Variants in FNDC3A observed in about 807,000 individuals in gnomAD.
FNDC3A encodes fibronectin type III domain containing 3A, also known as fibronectin type-III domain-containing protein 3A.
FNDC3A carries 32 observed loss-of-function variants against 148.9 expected under a neutral mutation model. That is an observed-to-expected ratio of 0.21 (90% confidence interval 0.16 to 0.29). The LOEUF is 0.29. Ranked by LOEUF, FNDC3A falls within the 10% of genes least tolerant of loss-of-function variation. The pLI is 1.00. For missense variants in FNDC3A, 1,191 were observed against 1,452.8 expected (o/e 0.82, Z 2.93); for synonymous variants, 472 against 473.6 (o/e 1.00, Z 0.04).
chr13:49,195,995 G>A (rs1886127748), intron 19 of FNDC3A, among the ~76,000 whole-genome samples: 1 of 148,730 alleles, frequency 6.7e-6, no homozygotes, highest in Non-Finnish European at 1.5e-5. Context: ...GATGGCTTGA[G>A]CCCAGGAAGT....
chr13:49,179,210 T>C (rs1203252299), intron 14 of FNDC3A, among the ~76,000 whole-genome samples: 1 of 149,222 alleles, frequency 6.7e-6, no homozygotes, highest in East Asian at 2.0e-4. Context: ...CCAAACATCT[T>C]TTAAAATATG....
chr13:49,192,318 A>G (rs888097234), intron 19 of FNDC3A, among the ~76,000 whole-genome samples: 1 of 152,128 alleles, frequency 6.6e-6, no homozygotes, highest in Non-Finnish European at 1.5e-5. Flanking sequence ...TTTTTGAAAC[A>G]GGGTCTCACC....
At chr13:49,048,162 T>C (rs1724423839) in intron 2 of FNDC3A, among the ~76,000 whole-genome samples, 1 of 152,196 alleles carries the variant, frequency 6.6e-6, no homozygotes, top group Non-Finnish European at 1.5e-5. Flanking sequence ...TGCCTGTTTT[T>C]ATACCAGTAC....
chr13:49,144,395 C>T (rs549794664), intron 7 of FNDC3A, among the ~76,000 whole-genome samples: 34 of 152,056 alleles, frequency 2.2e-4, no homozygotes, highest in Middle Eastern at 3.4e-3. Flanking sequence ...ATTCAGACTT[C>T]GAGAACTTTG....
chr13:49,118,670 GA>G (rs780185728), intron 4 of FNDC3A, among the ~76,000 whole-genome samples: 12 of 152,162 alleles, frequency 7.9e-5, no homozygotes, highest in Non-Finnish European at 1.6e-4. Context: ...CTTGATGGGG[GA>G]GGGGCGTCTG....
At chr13:49,114,415 GC>G (rs1219138994) in intron 3 of FNDC3A, among the ~76,000 whole-genome samples, 9 of 97,070 alleles carry the variant, frequency 9.3e-5, no homozygotes, top group African/African-American at 3.1e-4. Flanking sequence ...CAACCTCCCC[GC>G]CCCCCACCAC....
At chr13:49,185,792 A>G (rs1189303753) in intron 14 of FNDC3A, among the ~76,000 whole-genome samples, 172 bp from the exon 15 acceptor site, 1 of 152,240 alleles carries the variant, frequency 6.6e-6, no homozygotes, top group Non-Finnish European at 1.5e-5. Context: ...CTCTTCATAT[A>G]TGCCAAGTAT....
At chr13:49,079,436 G>GA (rs1203407439) in intron 3 of FNDC3A, among the ~76,000 whole-genome samples, 1 of 152,166 alleles carries the variant, frequency 6.6e-6, no homozygotes, top group African/African-American at 2.4e-5. Flanking sequence ...GGTATGTAAA[G>GA]AAAAAATTAT....
intron 2 of FNDC3A, among the ~76,000 whole-genome samples, chr13:49,030,893 TC>T (rs1450212350): frequency 1.1e-4 from 16 of 152,284 alleles, no homozygotes; most frequent in African/African-American, 3.8e-4. Flanking sequence ...TGATCATAGA[TC>T]AGAAGACTTA....
intron 11 of FNDC3A, among the ~76,000 whole-genome samples, chr13:49,173,101 G>T (rs886650473): frequency 6.8e-6 from 1 of 146,690 alleles, no homozygotes; most frequent in African/African-American, 2.8e-5. Flanking sequence ...GTCCTGGGCC[G>T]CATGTGGCCC....
chr13:49,165,710 G>T (rs950848257), intron 8 of FNDC3A, among the ~76,000 whole-genome samples: 1 of 152,164 alleles, frequency 6.6e-6, no homozygotes. Context: ...TGGCCAGGTG[G>T]GTTCTTTGGC....
chr13:49,158,700 A>G (rs562513141), intron 8 of FNDC3A, among the ~76,000 whole-genome samples: 13 of 152,312 alleles, frequency 8.5e-5, no homozygotes, highest in East Asian at 5.8e-4. Flanking sequence ...GCCTATGCCT[A>G]TGTCCTGAAT....
At chr13:48,985,811 G>A (rs1390375323) in intron 1 of FNDC3A, among the ~76,000 whole-genome samples, 1 of 152,172 alleles carries the variant, frequency 6.6e-6, no homozygotes, top group Non-Finnish European at 1.5e-5. Flanking sequence ...TTAGGGATCA[G>A]GAAAGAGTTA....
intron 3 of FNDC3A, among the ~76,000 whole-genome samples, chr13:49,102,622 T>C (rs1212741950): frequency 2.0e-5 from 3 of 152,210 alleles, no homozygotes. Flanking sequence ...AAGGACCTTT[T>C]GGTTATAGTG....
In FNDC3A at chr13:49,203,284, G is replaced by C. The variant is rs1313951724; in HGVS notation, c.3282G>C (p.Gln1094His). The change falls in exon 25 of 26, where the codon CAG (glutamine) becomes CAC (histidine). Residue 1094 changes from glutamine (Q) to histidine (H), a missense_variant and splice_region_variant. Gln to His is a conservative substitution (Grantham distance 24). Transcript: ENST00000492622. ...VMLGKDSEFK[Q>H]IYKGPDSSFR... ...TGGGAAAAGATTCAGAATTCAAACA[G>C]GTATGTACCAAGATATTAATGTGTG... is the stretch of plus-strand genomic sequence containing the variant. 6.3e-7 allele frequency: 1 copy of C among 1,599,322 alleles called. No homozygotes were observed. Among genetic ancestry groups the C allele is most frequent in the African/African-American group, 1.3e-5 (1 of 74,434 alleles).
intron 2 of FNDC3A, chr13:49,045,698 A>G: frequency 1.7e-6 from 2 of 1,157,900 alleles, no homozygotes; most frequent in East Asian, 5.5e-5. Flanking sequence ...CTTTGCCACC[A>G]ATAGCTTGGA....
At chr13:49,179,143 T>C (rs907458686) in intron 14 of FNDC3A, among the ~76,000 whole-genome samples, 7 of 152,236 alleles carry the variant, frequency 4.6e-5, no homozygotes, top group Admixed American at 6.5e-5. Flanking sequence ...TAGCGGTGCT[T>C]CTCAAACTTT....
intron 4 of FNDC3A, among the ~76,000 whole-genome samples, chr13:49,130,451 A>G (rs1025957048): frequency 6.6e-6 from 1 of 152,216 alleles, no homozygotes; most frequent in African/African-American, 2.4e-5. Context: ...TGGTCTTTCC[A>G]CAACTTGTTT....
chr13:49,159,511 G>C (rs181484473), intron 8 of FNDC3A, among the ~76,000 whole-genome samples: 3 of 152,160 alleles, frequency 2.0e-5, no homozygotes, highest in Non-Finnish European at 4.4e-5. Flanking sequence ...GCTTAAGGAG[G>C]TTTCGGGCTG....
Sources: gnomAD v4.1 joint callset for allele counts (sites outside exome capture counted in the v4.1 genomes callset) on GRCh38, gnomAD v4.1.1 for gene constraint, MANE v1.5 for transcripts, NCBI Gene and HGNC (gene_info 2026-07-23, HGNC 2026-07-21) for gene names.